TCF3: variants seen among roughly 807,000 people sequenced by gnomAD.
TCF3 encodes the protein transcription factor E2-alpha.
In TCF3, 54 loss-of-function variants were observed where a neutral mutation model predicts 72.3. The observed-to-expected ratio is 0.75, with a 90% CI of 0.60 to 0.94. The LOEUF is 0.94. Among genes scored for constraint, TCF3 ranks in the 40% least tolerant of loss-of-function variants. The pLI is 0.00. For synonymous variants in TCF3, 525 were observed against 412.6 expected, an observed-to-expected ratio of 1.27 and a Z score of -3.30; for missense variants, 1,078 against 934.4, an observed-to-expected ratio of 1.15 and a Z score of -2.00.
rs74951670 is a variant in TCF3 at position 1,633,628 on chromosome 19, C to T, written c.146-1223G>A. ...TCTCCAAGTCTAATGAATATTCATG[C>T]GCCTCATTTAGATTTTGTTTTCTAA... On this transcript the variant is annotated intron_variant, in intron 3 of 18. Coordinates refer to ENST00000262965, the MANE Select transcript of TCF3 (RefSeq NM_003200.5). Among the ~76,000 whole-genome samples the T allele has an allele frequency of 6.6e-3, 998 of 152,276 alleles. 17 individuals are homozygous for T. The highest frequency in any genetic ancestry group is 0.022 in the African/African-American group (896 of 41,524).
chr19:1,620,374 T>G (rs2062039319), intron 13 of TCF3, among the ~76,000 whole-genome samples: 1 of 152,124 alleles, frequency 6.6e-6, no homozygotes. Flanking sequence ...CCCCTGCGGA[T>G]AAGCAAGCAC....
chr19:1,623,570 G>A (rs1355949820), intron 8 of TCF3, among the ~76,000 whole-genome samples: 1 of 152,056 alleles, frequency 6.6e-6, no homozygotes, highest in African/African-American at 2.4e-5. Context: ...TTTTAGTAGA[G>A]ATGGGGTTTC....
At chr19:1,648,741 A>AT (rs1460072372) in intron 2 of TCF3, among the ~76,000 whole-genome samples, 1 of 151,210 alleles carries the variant, frequency 6.6e-6, no homozygotes, top group East Asian at 1.9e-4. Flanking sequence ...CCTGTGCCTC[A>AT]TAGGCGGGAG....
At chr19:1,612,495 T>A in intron 18 of TCF3, 2 of 1,303,958 alleles carry the variant, frequency 1.5e-6, no homozygotes, top group African/African-American at 1.4e-5. Flanking sequence ...AGGGCAGGGC[T>A]GGGTTGTGGA....
chr19:1,633,450 C>T (rs1346915586), intron 3 of TCF3, among the ~76,000 whole-genome samples: 1 of 152,160 alleles, frequency 6.6e-6, no homozygotes, highest in East Asian at 1.9e-4. Context: ...GTTCTGCAGG[C>T]TCCCCCGCCC....
In TCF3 at chr19:1,622,203, C is replaced by T. The variant is rs769408189; in HGVS notation, c.673G>A (p.Ala225Thr). Reference protein sequence around the residue: ...YVADGSLHPSAELWSPPGQAG... With the variant: ...YVADGSLHPSTELWSPPGQAG... ...TGGCCCGGGGGACTCCAGAGCTCGG[C>T]TGAGGGGTGCAGGCTGCCATCTGTG... Residue 225 changes from alanine (A) to threonine (T), a missense_variant, in exon 10 of 19, where the codon GCC becomes ACC. By Grantham distance (58) the Ala-to-Thr change is moderately conservative (BLOSUM62 0). Coordinates refer to ENST00000262965, the MANE Select transcript of TCF3 (RefSeq NM_003200.5). 8 of 1,557,210 alleles carry T rather than the reference C, an allele frequency of 5.1e-6. No homozygotes were observed. The Admixed American group carries it at 1.3e-4, about 26-fold the overall frequency.
chr19:1,629,519 G>T (rs538282054), intron 5 of TCF3, among the ~76,000 whole-genome samples: 2 of 151,972 alleles, frequency 1.3e-5, no homozygotes, highest in South Asian at 2.1e-4. Flanking sequence ...CTACGGAGGG[G>T]AACAGCTGGC....
chr19:1,646,516 T>A, intron 2 of TCF3, 89 bp from the exon 3 acceptor site: 2 of 1,249,230 alleles, frequency 1.6e-6, no homozygotes, highest in Non-Finnish European at 2.3e-6. Flanking sequence ...GGAGCAGAGC[T>A]GGGGACACCC....
At chr19:1,626,403 T>C (rs2062878686) in intron 6 of TCF3, among the ~76,000 whole-genome samples, 3 of 151,972 alleles carry the variant, frequency 2.0e-5, no homozygotes, top group Non-Finnish European at 2.9e-5. Flanking sequence ...TGAGCCAAGA[T>C]TGCGCCATTG....
chr19:1,626,637 C>T (rs780569678), intron 6 of TCF3, among the ~76,000 whole-genome samples: 51 of 152,136 alleles, frequency 3.4e-4, no homozygotes, highest in African/African-American at 5.3e-4. Flanking sequence ...TTCTGCTTCT[C>T]GGATGGGGAG....
chr19:1,622,525 T>C, intron 8 of TCF3, 110 bp from the exon 9 acceptor site: 1 of 589,024 alleles, frequency 1.7e-6, no homozygotes, highest in Non-Finnish European at 2.8e-6. Context: ...ACCACCCCGT[T>C]TCCCTTCCCT....
At chr19:1,624,321 G>A (rs1454883190) in intron 7 of TCF3, among the ~76,000 whole-genome samples, 1 of 152,078 alleles carries the variant, frequency 6.6e-6, no homozygotes, top group Non-Finnish European at 1.5e-5. Context: ...ACTTGAACCC[G>A]GGAGGCAGAG....
chr19:1,637,053 C>T (rs77866734), intron 3 of TCF3, among the ~76,000 whole-genome samples: 1,955 of 152,260 alleles, frequency 0.013, 14 homozygotes, highest in Non-Finnish European at 0.018. Flanking sequence ...CCGCCAGAAC[C>T]GGGGACGCCT....
Position 1,622,209 on chromosome 19 carries a change from G to T in TCF3, c.667C>A (p.Pro223Thr). 6.4e-7 allele frequency: 1 copy of T among 1,552,314 alleles called. No individual in the cohort carries two copies. Among genetic ancestry groups the T allele is most frequent in the African/African-American group, 1.4e-5 (1 of 73,844 alleles). The change falls in exon 10 of 19, where the codon CCC (proline) becomes ACC (threonine). Residue 223 changes from proline (P) to threonine (T), a missense_variant. Coordinates refer to ENST00000262965, the MANE Select transcript of TCF3 (RefSeq NM_003200.5). ...PFYVADGSLH[P>T]SAELWSPPGQ... ...GGGGGACTCCAGAGCTCGGCTGAGG[G>T]GTGCAGGCTGCCATCTGTGGAGGGG...
At position 1,615,583 on chromosome 19, in the gene TCF3, G is replaced by A. The variant is rs953620852; in HGVS notation, c.1587-63C>T. The stretch of plus-strand genomic sequence containing the variant: ...AGTGAGGTTGGGGGAAGAGCGTGGG[G>A]CCCGCCGACGGCCTCCCAGTGTGGG... On this transcript the variant is annotated intron_variant, in intron 17 of 18. Transcript: ENST00000262965. This position sits in a 1 kb window ranked among gnomAD's most constrained non-coding sequence, Gnocchi z 7.3. The A allele has an allele frequency of 6.2e-7, 1 of 1,605,264 alleles. No homozygotes were observed. The highest frequency in any genetic ancestry group is 8.5e-7 in the Non-Finnish European group (1 of 1,179,710).
intron 2 of TCF3, among the ~76,000 whole-genome samples, chr19:1,646,984 G>T (rs574254103): frequency 3.3e-5 from 5 of 152,294 alleles, no homozygotes; most frequent in Admixed American, 2.0e-4. Context: ...CCCCCTACCA[G>T]GGCTGGGTAT....
At chr19:1,611,983 G>A (rs1460127233) in intron 18 of TCF3, 134 bp from the exon 19 acceptor site, 26 of 760,344 alleles carry the variant, frequency 3.4e-5, no homozygotes, top group Non-Finnish European at 5.2e-5. Flanking sequence ...TGTATTTCCG[G>A]CTCTCACCTC....
In TCF3 at chr19:1,636,890, C is replaced by T. The variant is rs150400301; in HGVS notation, c.146-4485G>A. Among the ~76,000 whole-genome samples the T allele has an allele frequency of 1.4e-4, 22 of 152,268 alleles. No homozygotes were observed. The East Asian group carries it at 4.1e-3, about 28-fold the overall frequency. On this transcript the variant is annotated intron_variant, in intron 3 of 18. Coordinates refer to ENST00000262965, the MANE Select transcript of TCF3 (RefSeq NM_003200.5). Reference sequence around the variant, plus strand: ...GGTGGGACAGCAGGGCCCTGTGGCCCGCCCGCGAGCAGACAAACCTGAGGC... The same window carrying T: ...GGTGGGACAGCAGGGCCCTGTGGCCTGCCCGCGAGCAGACAAACCTGAGGC...
intron 16 of TCF3, among the ~76,000 whole-genome samples, chr19:1,617,911 C>A (rs886932922): frequency 9.2e-5 from 14 of 152,308 alleles, no homozygotes; most frequent in African/African-American, 3.1e-4. Context: ...CACCCAGTGT[C>A]CCCTGGGGGC....
Sources: gnomAD v4.1 joint callset for allele counts (sites outside exome capture counted in the v4.1 genomes callset) on GRCh38, gnomAD v4.1.1 for gene constraint, Gnocchi (gnomAD v3.1) non-coding constraint, MANE v1.5 for transcripts, NCBI Gene and HGNC (gene_info 2026-07-23, HGNC 2026-07-21) for gene names.